Variants in RPS6KA2 observed in about 807,000 individuals in gnomAD.
RPS6KA2 encodes ribosomal protein S6 kinase A2.
Under a neutral mutation model 91.8 loss-of-function variants are expected in RPS6KA2, and 42 were observed. That is an observed-to-expected ratio of 0.46 (90% CI 0.36 to 0.59). The LOEUF is 0.59. Among genes scored for constraint, RPS6KA2 ranks in the 20% least tolerant of loss-of-function variants. The probability of loss-of-function intolerance (pLI) is 0.00; values close to 1 mark genes in which losing one functional copy is unlikely to be tolerated. For missense variants in RPS6KA2, 798 were observed against 978.5 expected, an observed-to-expected ratio of 0.82 and a Z score of 2.46; for synonymous variants, 414 against 393.6, an observed-to-expected ratio of 1.05 and a Z score of -0.61.
intron 11 of RPS6KA2, among the ~76,000 whole-genome samples, chr6:166,468,313 C>T (rs989933122): frequency 6.6e-6 from 1 of 152,226 alleles, no homozygotes; most frequent in East Asian, 1.9e-4. Flanking sequence ...ACTTTACACT[C>T]TTTTCTCTAA....
intron 19 of RPS6KA2, among the ~76,000 whole-genome samples, chr6:166,415,911 G>A (rs13215161): frequency 0.61 from 85,907 of 139,810 alleles, 26,148 homozygotes; most frequent in South Asian, 0.81. Context: ...CATCCTCACC[G>A]TCCTTCCTCC....
intron 2 of RPS6KA2, among the ~76,000 whole-genome samples, chr6:166,747,644 G>T (rs1791062924): frequency 6.6e-6 from 1 of 152,158 alleles, no homozygotes; most frequent in South Asian, 2.1e-4. Context: ...GGGGGATACT[G>T]AGTGAGGAAA....
At chr6:166,717,602 C>T (rs138516471) in intron 2 of RPS6KA2, among the ~76,000 whole-genome samples, 2 of 152,264 alleles carry the variant, frequency 1.3e-5, no homozygotes, top group Admixed American at 6.5e-5. Flanking sequence ...GTTGGAGCAG[C>T]GTGGGGTTGG....
intron 1 of RPS6KA2, among the ~76,000 whole-genome samples, chr6:166,568,663 C>CAAAAAAAAAAAAAAAAAAAAAAAAAAA (rs1439350254): frequency 1.2e-5 from 1 of 83,052 alleles, no homozygotes; most frequent in African/African-American, 4.2e-5. Flanking sequence ...AAAAAAAAAG[C>CAAAAAAAAAAAAAAAAAAAAAAAAAAA]AAAATTTTTT....
At chr6:166,729,871 G>A (rs917489338) in intron 2 of RPS6KA2, among the ~76,000 whole-genome samples, 3 of 152,118 alleles carry the variant, frequency 2.0e-5, no homozygotes, top group Non-Finnish European at 4.4e-5. Context: ...TGTGTGTGAC[G>A]AAATTCAAGG....
chr6:166,455,206 G>C (rs1780059612), intron 12 of RPS6KA2, among the ~76,000 whole-genome samples: 2 of 152,142 alleles, frequency 1.3e-5, no homozygotes, highest in African/African-American at 4.8e-5. Context: ...CGGCAGGTGT[G>C]TGGGGGTGGG....
intron 2 of RPS6KA2, among the ~76,000 whole-genome samples, chr6:166,846,359 A>G (rs1276218295): frequency 6.6e-6 from 1 of 151,770 alleles, no homozygotes; most frequent in African/African-American, 2.4e-5. Context: ...AAATCATTCT[A>G]TGAAGCCATT....
In RPS6KA2 at chr6:166,849,240, T is replaced by C. The variant is rs183956900; in HGVS notation, c.123+8960A>G. ...CATCAGTCAGGTCGTGGCCTAAACA[T>C]GGCGTGGGTAGAGAAGTCTACGGTA... On this transcript the variant is annotated intron_variant, in intron 2 of 21. Coordinates refer to the RPS6KA2 transcript ENST00000503859. This position sits in a 1 kb window ranked among gnomAD's most constrained non-coding sequence, Gnocchi z 4.9. Among the ~76,000 whole-genome samples, 231 of 152,282 alleles carry C rather than the reference T, an allele frequency of 1.5e-3. 1 individual carries two copies. Among genetic ancestry groups the C allele is most frequent in the African/African-American group, 5.1e-3 (211 of 41,570 alleles).
intron 2 of RPS6KA2, among the ~76,000 whole-genome samples, chr6:166,824,658 T>C (rs1779989718): frequency 6.6e-6 from 1 of 151,198 alleles, no homozygotes; most frequent in African/African-American, 2.4e-5. Context: ...TGTGTGTGTG[T>C]GTGTCTATGT....
chr6:166,642,756 T>TAA (rs58161468), intron 2 of RPS6KA2, among the ~76,000 whole-genome samples: 13 of 151,780 alleles, frequency 8.6e-5, no homozygotes, highest in Non-Finnish European at 1.9e-4. Flanking sequence ...GCAGGATAAG[T>TAA]AAAAAAAATA....
chr6:166,478,051 C>T (rs371490991), intron 10 of RPS6KA2, among the ~76,000 whole-genome samples: 10 of 152,300 alleles, frequency 6.6e-5, no homozygotes, highest in Middle Eastern at 3.4e-3. Context: ...GACTCCAATT[C>T]GCATTTCCAG....
intron 1 of RPS6KA2, among the ~76,000 whole-genome samples, chr6:166,593,563 A>C (rs1395991137): frequency 6.6e-6 from 1 of 152,230 alleles, no homozygotes; most frequent in Non-Finnish European, 1.5e-5. Context: ...GCAAAGAGAT[A>C]ATTTATAAAG....
At position 166,563,193 on chromosome 6, in the gene RPS6KA2, G is replaced by A. The variant is rs888886249; in HGVS notation, c.100-24409C>T. Among the ~76,000 whole-genome samples, 14 of 152,144 alleles carry A rather than the reference G, an allele frequency of 9.2e-5. No homozygotes were observed. The highest frequency in any genetic ancestry group is 2.6e-4 in the Admixed American group (4 of 15,276). ...AACAAGGGGTCCTGGTGGCTTTTCC[G>A]GGGTAGTGGAGACACCGCCACGTCT... On this transcript the variant is annotated intron_variant, in intron 1 of 20. Transcript: ENST00000265678. The surrounding 1 kb of genome is among the most constrained non-coding windows in gnomAD (Gnocchi z 4.1).
chr6:166,419,251 G>A lies in RPS6KA2; in HGVS notation c.1820+631C>T, dbSNP rs919007812. Among the ~76,000 whole-genome samples the A allele has an allele frequency of 1.3e-5, 2 of 152,242 alleles. No individual in the cohort carries two copies. The highest frequency in any genetic ancestry group is 2.9e-5 in the Non-Finnish European group (2 of 68,036). ...TATTTAATAAACGTAATAGGAACCAGCGGATCTTGTAAGATCCTAGACCTT... is the reference window on the plus strand; with the variant it reads ...TATTTAATAAACGTAATAGGAACCAACGGATCTTGTAAGATCCTAGACCTT... On this transcript the variant is annotated intron_variant, in intron 18 of 20. Coordinates refer to ENST00000265678, the MANE Select transcript of RPS6KA2 (RefSeq NM_021135.6). The surrounding 1 kb of genome is among the most constrained non-coding windows in gnomAD (Gnocchi z 5.6).
At position 166,600,588 on chromosome 6, in the gene RPS6KA2, C is replaced by T. The variant is rs749796182; in HGVS notation, c.99+26333G>A. Reference sequence around the variant, plus strand: ...GAGATCCTTTAGTGCAGGAAGTCCACCTGATTATCTTTGAATAAGAACCTA... The same window carrying T: ...GAGATCCTTTAGTGCAGGAAGTCCATCTGATTATCTTTGAATAAGAACCTA... On this transcript the variant is annotated intron_variant, in intron 1 of 20. Coordinates refer to ENST00000265678, the MANE Select transcript of RPS6KA2 (RefSeq NM_021135.6). Among the ~76,000 whole-genome samples the T allele has an allele frequency of 8.5e-5, 13 of 152,216 alleles. No homozygotes were observed. The East Asian group carries it at 9.6e-4, about 11-fold the overall frequency.
At chr6:166,685,285 G>T (rs1326974995) in intron 2 of RPS6KA2, among the ~76,000 whole-genome samples, 1 of 149,250 alleles carries the variant, frequency 6.7e-6, no homozygotes, top group Non-Finnish European at 1.5e-5. Flanking sequence ...GATGGAGTGT[G>T]GGGTGTGTGT....
intron 2 of RPS6KA2, among the ~76,000 whole-genome samples, chr6:166,694,736 T>C (rs1352809115): frequency 6.6e-6 from 1 of 152,258 alleles, no homozygotes; most frequent in Non-Finnish European, 1.5e-5. Flanking sequence ...CTGTTGTTGG[T>C]GGGAAACATA....
chr6:166,604,493 G>A (rs1186735889), intron 1 of RPS6KA2, among the ~76,000 whole-genome samples: 2 of 152,220 alleles, frequency 1.3e-5, no homozygotes, highest in African/African-American at 4.8e-5. Context: ...AGTTGCCGGA[G>A]CTGGGTTCAC....
At chr6:166,652,873 CAG>C (rs1274273140) in intron 2 of RPS6KA2, among the ~76,000 whole-genome samples, 7 of 152,204 alleles carry the variant, frequency 4.6e-5, no homozygotes. Context: ...AATATTCCAT[CAG>C]GGTGCAACTC....
Sources: allele counts gnomAD v4.1 joint callset (sites outside exome capture counted in the v4.1 genomes callset), GRCh38; gene constraint gnomAD v4.1.1; non-coding constraint Gnocchi (gnomAD v3.1); transcripts MANE v1.5; gene names NCBI Gene and HGNC (gene_info 2026-07-23, HGNC 2026-07-21).